Variants in FAF2 observed in about 807,000 individuals in gnomAD.
FAF2 encodes Fas associated factor family member 2.
Under a neutral mutation model 62.3 loss-of-function variants are expected in FAF2, and 9 were observed. That is an observed-to-expected ratio of 0.14 (90% CI 0.09 to 0.25). The LOEUF (loss-of-function observed/expected upper bound fraction) is 0.25, where lower values mean the gene tolerates loss of function less well. FAF2 is among the 10% of genes least tolerant of loss of function. FAF2 has a pLI of 1.00. For synonymous variants in FAF2, 202 were observed against 198.0 expected, an observed-to-expected ratio of 1.02 and a Z score of -0.17; for missense variants, 368 against 556.2, an observed-to-expected ratio of 0.66 and a Z score of 3.40.
chr5:176,456,234 G>A lies in FAF2; in HGVS notation c.63+7764G>A, dbSNP rs908779627. Among the ~76,000 whole-genome samples the A allele has an allele frequency of 5.3e-5, 8 of 152,196 alleles. No homozygotes were observed. The South Asian group carries it at 8.3e-4, about 16-fold the overall frequency. On this transcript the variant is annotated intron_variant, in intron 1 of 10. Coordinates refer to ENST00000261942, the MANE Select transcript of FAF2 (RefSeq NM_014613.3). ...TTACAGGTGTGTGCCACCACACCCGGCTAATTTTTGTATTTTTAGTAGAGA... is the reference window on the plus strand; with the variant it reads ...TTACAGGTGTGTGCCACCACACCCGACTAATTTTTGTATTTTTAGTAGAGA...
At chr5:176,489,736 G>A (rs1758939781) in intron 4 of FAF2, among the ~76,000 whole-genome samples, 1 of 151,932 alleles carries the variant, frequency 6.6e-6, no homozygotes, top group Non-Finnish European at 1.5e-5. Context: ...CAGTAGAGAT[G>A]GAGTCTCATT....
At chr5:176,468,785 CAAAA>C (rs796986844) in intron 1 of FAF2, among the ~76,000 whole-genome samples, 2 of 131,560 alleles carry the variant, frequency 1.5e-5, no homozygotes, top group Admixed American at 7.6e-5. Context: ...CCCAAAAAAA[CAAAA>C]AAAAAAAAGG....
At chr5:176,454,329 G>T (rs1057059741) in intron 1 of FAF2, among the ~76,000 whole-genome samples, 1 of 152,000 alleles carries the variant, frequency 6.6e-6, no homozygotes, top group Non-Finnish European at 1.5e-5. Flanking sequence ...GGAGGCGGAG[G>T]TTGCAGTGAG....
chr5:176,466,378 T>C (rs1348097817), intron 1 of FAF2, among the ~76,000 whole-genome samples: 1 of 152,194 alleles, frequency 6.6e-6, no homozygotes, highest in East Asian at 1.9e-4. Flanking sequence ...ACCTAAAATA[T>C]GCATTCTTAG....
At chr5:176,486,621 T>A (rs901065903) in intron 3 of FAF2, 132 bp downstream of exon 3, 1 of 877,524 alleles carries the variant, frequency 1.1e-6, no homozygotes, top group Admixed American at 3.1e-5. Context: ...CTTGGCCCGT[T>A]GGGTGTATTA....
chr5:176,472,463 G>A (rs1758588854), intron 1 of FAF2, among the ~76,000 whole-genome samples: 1 of 151,836 alleles, frequency 6.6e-6, no homozygotes, highest in Non-Finnish European at 1.5e-5. Context: ...TTTTTTTTAA[G>A]CAGAGAACAG....
intron 7 of FAF2, among the ~76,000 whole-genome samples, chr5:176,495,574 C>T (rs935602284): frequency 2.0e-5 from 3 of 147,292 alleles, no homozygotes; most frequent in Non-Finnish European, 3.0e-5. Flanking sequence ...TGCAGTGGTG[C>T]GATCTCAGTT....
chr5:176,454,463 A>T (rs1211441601), intron 1 of FAF2, among the ~76,000 whole-genome samples: 1 of 151,898 alleles, frequency 6.6e-6, no homozygotes, highest in Non-Finnish European at 1.5e-5. Context: ...CTGTAATCCC[A>T]GCTACTCAGG....
chr5:176,501,536 T>C (rs1269120730), intron 10 of FAF2, among the ~76,000 whole-genome samples: 1 of 152,196 alleles, frequency 6.6e-6, no homozygotes, highest in African/African-American at 2.4e-5. Context: ...AACATAGGTA[T>C]GTCATGCAGT....
intron 1 of FAF2, among the ~76,000 whole-genome samples, chr5:176,471,536 C>T (rs368919122): frequency 6.3e-4 from 96 of 151,962 alleles, no homozygotes; most frequent in Middle Eastern, 3.4e-3. Context: ...GTGCCCACCA[C>T]CATGCCTGGC....
In FAF2 at chr5:176,509,623, C is replaced by G. The variant is rs529023219; in HGVS notation, c.*2673C>G. The G allele has an allele frequency of 6.5e-6, 1 of 152,730 alleles. No homozygotes were observed. The highest frequency in any genetic ancestry group is 1.5e-5 in the Non-Finnish European group (1 of 68,036). 9.5% of individuals were successfully genotyped at this position (152,730 alleles called of 1,614,324 possible). On this transcript the variant is annotated 3_prime_UTR_variant, in exon 11 of 11. Transcript: ENST00000261942. ...CTTTTCTTCCACTTCTGCAGAATTTCCTCTAGCAAATACTTCTTTCTCCTT... is the reference window on the plus strand; with the variant it reads ...CTTTTCTTCCACTTCTGCAGAATTTGCTCTAGCAAATACTTCTTTCTCCTT...
intron 1 of FAF2, among the ~76,000 whole-genome samples, chr5:176,476,828 G>C (rs1197997443): frequency 9.1e-4 from 35 of 38,392 alleles, no homozygotes; most frequent in African/African-American, 4.4e-3. Flanking sequence ...TTTTTTTTTT[G>C]AGATGGAGTC....
At chr5:176,467,533 T>C (rs1015028625) in intron 1 of FAF2, among the ~76,000 whole-genome samples, 1 of 152,188 alleles carries the variant, frequency 6.6e-6, no homozygotes, top group Admixed American at 6.5e-5. Context: ...GGTTTTGCCA[T>C]GTTGGCCAGG....
chr5:176,485,679 T>G (rs1183366477), intron 2 of FAF2, among the ~76,000 whole-genome samples: 1 of 152,222 alleles, frequency 6.6e-6, no homozygotes, highest in African/African-American at 2.4e-5. Context: ...TCAGAAATAT[T>G]GTTCCTTTAT....
chr5:176,483,530 C>T (rs148855679), intron 2 of FAF2, among the ~76,000 whole-genome samples: 6 of 152,182 alleles, frequency 3.9e-5, no homozygotes, highest in African/African-American at 1.2e-4. Context: ...ATTCTTTCCT[C>T]GTTGAATTGT....
intron 1 of FAF2, among the ~76,000 whole-genome samples, chr5:176,456,005 G>T (rs1016662563): frequency 6.6e-6 from 1 of 151,604 alleles, no homozygotes; most frequent in South Asian, 2.1e-4. Context: ...TTCTGTCTTT[G>T]TCTTATAGAG....
At position 176,448,432 on chromosome 5, in the gene FAF2, C is replaced by G; in HGVS notation, c.25C>G (p.Leu9Val). MAAPEERD[L>V]TQEQTEKLLQ... ...AATGGCGGCGCCTGAGGAGCGGGATCTAACCCAGGAGCAGACAGAGAAGCT... is the reference window on the plus strand; with the variant it reads ...AATGGCGGCGCCTGAGGAGCGGGATGTAACCCAGGAGCAGACAGAGAAGCT... Residue 9 changes from leucine (L) to valine (V), a missense_variant, in exon 1 of 11, where the codon CTA (leucine) becomes GTA (valine). This residue lies in a region of FAF2 where 331 missense variants were observed against 441.9 expected (regional missense o/e 0.75). Coordinates refer to ENST00000261942, the MANE Select transcript of FAF2 (RefSeq NM_014613.3). 6.2e-7 allele frequency: 1 copy of G among 1,607,682 alleles called. No homozygotes were observed. Among genetic ancestry groups the G allele is most frequent in the South Asian group, 1.1e-5 (1 of 90,020 alleles).
chr5:176,451,907 T>A (rs1490992686), intron 1 of FAF2, among the ~76,000 whole-genome samples: 7 of 80,168 alleles, frequency 8.7e-5, no homozygotes, highest in African/African-American at 3.2e-4. Flanking sequence ...TTTTTTTTTT[T>A]TTTTTTTTTT....
intron 1 of FAF2, among the ~76,000 whole-genome samples, chr5:176,449,575 CAA>C (rs56311951): frequency 7.2e-6 from 1 of 139,302 alleles, no homozygotes. Flanking sequence ...AACTCCGTCT[CAA>C]AAAAAAAAAA....
Sources: allele counts gnomAD v4.1 joint callset (sites outside exome capture counted in the v4.1 genomes callset), GRCh38; gene constraint gnomAD v4.1.1; regional missense constraint gnomAD v4.1.1; transcripts MANE v1.5; gene names NCBI Gene and HGNC (gene_info 2026-07-23, HGNC 2026-07-21).